The following CES5A variants were observed in gnomAD, a reference collection of about 807,000 sequenced individuals.
CES5A encodes carboxylesterase 5.
Under a neutral mutation model 62.9 loss-of-function variants are expected in CES5A, and 67 were observed. That is an observed-to-expected ratio of 1.07 (90% CI 0.88 to 1.31). CES5A has a LOEUF of 1.31. CES5A is among the 50% of genes most tolerant of loss of function. CES5A has a pLI of 0.00. For synonymous variants in CES5A, 296 were observed against 280.8 expected, an observed-to-expected ratio of 1.05 and a Z score of -0.54; for missense variants, 748 against 708.5, an observed-to-expected ratio of 1.06 and a Z score of -0.63.
At chr16:55,875,689 C>T (rs567071969), upstream of CES5A, among the ~76,000 whole-genome samples, 1 of 152,326 alleles carries the variant, frequency 6.6e-6, no homozygotes, top group South Asian at 2.1e-4. Context: ...CAAGCACTGC[C>T]AGCTCAGACA....
intron 11 of CES5A, among the ~76,000 whole-genome samples, chr16:55,849,112 G>C (rs570979800): frequency 6.6e-6 from 1 of 152,168 alleles, no homozygotes; most frequent in Non-Finnish European, 1.5e-5. Flanking sequence ...TCATCTGATT[G>C]GTTTATTTTA....
chr16:55,952,582 A>G (rs2034569403), intron 1 of CES5A, among the ~76,000 whole-genome samples: 1 of 152,146 alleles, frequency 6.6e-6, no homozygotes, highest in Admixed American at 6.5e-5. Flanking sequence ...TTAAGAAGTA[A>G]TAGAGACATA....
upstream of CES5A, among the ~76,000 whole-genome samples, chr16:55,876,854 T>C (rs2033701282): frequency 6.6e-6 from 1 of 152,122 alleles, no homozygotes; most frequent in Non-Finnish European, 1.5e-5. Context: ...CCAACCTGGC[T>C]GGGAGCTAGA....
At chr16:55,854,478 C>T (rs1244897106) in intron 9 of CES5A, among the ~76,000 whole-genome samples, 1 of 149,196 alleles carries the variant, frequency 6.7e-6, no homozygotes, top group Non-Finnish European at 1.5e-5. Flanking sequence ...AGCTGCAACT[C>T]GTCAAACATC....
chr16:55,906,508 G>T (rs1394449708), intron 1 of CES5A, among the ~76,000 whole-genome samples: 4 of 152,206 alleles, frequency 2.6e-5, no homozygotes, highest in Non-Finnish European at 5.9e-5. Context: ...GGAGGAAAAA[G>T]CCTTGAAGCT....
Position 55,875,157 on chromosome 16 carries a change from G to A in CES5A, c.65C>T (p.Pro22Leu). ...LIWAIWVLAA[P>L]TKGPSAEGPQ... ...CCCATTGGATATCTCACCTTTGGTG[G>A]GGGCTGCAAGGACCCAGATAGCCCA... Residue 22 changes from proline (P) to leucine (L), a missense_variant, in exon 1 of 13, where the codon CCC becomes CTC. Transcript: ENST00000290567. The A allele has an allele frequency of 1.9e-6, 3 of 1,614,074 alleles. No homozygotes were observed. The South Asian group carries it at 3.3e-5, about 18-fold the overall frequency.
chr16:55,923,281 A>G (rs1023096030), intron 1 of CES5A, among the ~76,000 whole-genome samples: 9 of 151,432 alleles, frequency 5.9e-5, no homozygotes. Context: ...TAGCTAAACT[A>G]AGAAAAAAAG....
At chr16:55,895,349 T>C (rs186939364) in intron 1 of CES5A, among the ~76,000 whole-genome samples, 24 of 152,342 alleles carry the variant, frequency 1.6e-4, no homozygotes, top group Admixed American at 1.3e-3. Flanking sequence ...AGGAGCTGCA[T>C]GGGCTGTGTC....
At chr16:55,907,715 G>A (rs1262421294) in intron 1 of CES5A, among the ~76,000 whole-genome samples, 1 of 152,136 alleles carries the variant, frequency 6.6e-6, no homozygotes, top group Non-Finnish European at 1.5e-5. Context: ...CCCCACAGCA[G>A]GTGGCAAGGC....
rs1164800980 is a variant in CES5A at position 55,852,906 on chromosome 16, T to G, written c.1248A>C (p.Ala416=). Residue 416 remains alanine, a synonymous_variant, in exon 10 of 13, where the codon GCA becomes GCC. Coordinates refer to ENST00000290567, the MANE Select transcript of CES5A (RefSeq NM_001143685.2). ...CTCTGTGATATCGAGCTGTGATCAG[T>G]GCAGGGACCACAAAGAACACATCTC... ...LLGDVFFVVP[A]LITARYHRDA... 6.2e-7 allele frequency: 1 copy of G among 1,613,874 alleles called. No individual in the cohort carries two copies.
chr16:55,900,839 T>G (rs544130458), intron 1 of CES5A, among the ~76,000 whole-genome samples: 1 of 152,300 alleles, frequency 6.6e-6, no homozygotes, highest in East Asian at 1.9e-4. Flanking sequence ...TCTCATCCAC[T>G]CAGTACCTTG....
intron 2 of CES5A, among the ~76,000 whole-genome samples, chr16:55,948,189 C>A (rs1481839874): frequency 6.6e-6 from 1 of 151,986 alleles, no homozygotes; most frequent in Non-Finnish European, 1.5e-5. Flanking sequence ...GTGGCTCATA[C>A]TTTTTCCAAG....
intron 7 of CES5A, 127 bp from the exon 8 acceptor site, chr16:55,859,814 G>GA: frequency 1.3e-6 from 1 of 787,594 alleles, no homozygotes; most frequent in South Asian, 1.9e-5. Flanking sequence ...CACTTAAAAA[G>GA]TAAAAACAAA....
chr16:55,923,586 CATTT>C (rs1201887903), intron 1 of CES5A, among the ~76,000 whole-genome samples: 1 of 151,658 alleles, frequency 6.6e-6, no homozygotes, highest in Non-Finnish European at 1.5e-5. Context: ...TTCTATCCAA[CATTT>C]AAAGAAGTAA....
chr16:55,944,235 C>A, intron 2 of CES5A: 1 of 622,754 alleles, frequency 1.6e-6, no homozygotes. Context: ...GACCCCTCTC[C>A]TCCAGGGACT....
chr16:55,927,205 G>A (rs1463419467), upstream of CES5A, among the ~76,000 whole-genome samples: 2 of 152,096 alleles, frequency 1.3e-5, no homozygotes, highest in African/African-American at 4.8e-5. Context: ...ATTGACCCAG[G>A]CAAAGAATTT....
At chr16:55,902,576 AT>A in intron 1 of CES5A, among the ~76,000 whole-genome samples, 1 of 152,238 alleles carries the variant, frequency 6.6e-6, no homozygotes, top group African/African-American at 2.4e-5. Flanking sequence ...ATCCTGTGAA[AT>A]CATTGTTTAT....
At chr16:55,875,007 G>A in intron 1 of CES5A, 142 bp downstream of exon 1, 1 of 880,120 alleles carries the variant, frequency 1.1e-6, no homozygotes, top group Admixed American at 1.9e-5. Flanking sequence ...CTCGGCAACA[G>A]CAGAATACTG....
intron 11 of CES5A, among the ~76,000 whole-genome samples, chr16:55,847,605 T>C (rs1402095617): frequency 1.3e-5 from 2 of 152,144 alleles, no homozygotes; most frequent in Admixed American, 6.5e-5. Flanking sequence ...AGCGGACACC[T>C]TTCTACACAT....
Sources: allele counts gnomAD v4.1 joint callset (sites outside exome capture counted in the v4.1 genomes callset), GRCh38; gene constraint gnomAD v4.1.1; transcripts MANE v1.5; gene names NCBI Gene and HGNC (gene_info 2026-07-23, HGNC 2026-07-21).